ADGRA1: variants seen among roughly 807,000 people sequenced by gnomAD.
The protein encoded by ADGRA1 is adhesion G protein-coupled receptor A1.
ADGRA1 carries 12 observed loss-of-function variants against 21.3 expected under a neutral mutation model. That is an observed-to-expected ratio of 0.56 (90% confidence interval 0.36 to 0.91). ADGRA1 has a LOEUF of 0.91. ADGRA1 is among the 40% of genes least tolerant of loss of function. The pLI, the probability that ADGRA1 is intolerant of heterozygous loss-of-function variation, is 0.01. For missense variants in ADGRA1, 790 were observed against 805.6 expected (o/e 0.98, Z 0.23); for synonymous variants, 385 against 368.8 (o/e 1.04, Z -0.50).
rs756717596 is a variant in ADGRA1, at chr10:133,128,926, C to A, written c.1098C>A (p.Asn366Lys). 1.3e-6 allele frequency: 2 copies of A among 1,557,736 alleles called. No individual in the cohort carries two copies. The highest frequency in any genetic ancestry group is 2.3e-5 in the East Asian group (1 of 42,696). The part of the protein sequence containing the change: ...AHPPGPCKMT[N>K]LQAAQGHASC... ...CACCGGGCCCCTGCAAGATGACCAA[C>A]CTGCAGGCCGCGCAGGGCCACGCCA... The change falls in exon 7 of 7, where the codon AAC becomes AAA. Residue 366 changes from asparagine (N) to lysine (K), a missense_variant. Asn to Lys is a moderately conservative substitution (Grantham distance 94). This residue lies in a region of ADGRA1 where 391 missense variants were observed against 351.5 expected (regional missense o/e 1.11). Transcript: ENST00000392607.
intron 6 of ADGRA1, 108 bp from the exon 7 acceptor site, chr10:133,128,221 C>A: frequency 1.2e-6 from 1 of 812,472 alleles, no homozygotes; most frequent in Non-Finnish European, 1.8e-6. Flanking sequence ...CGCAGCTGTG[C>A]AAAGCCACTC....
chr10:133,093,466 C>T (rs1465165912), intron 2 of ADGRA1, among the ~76,000 whole-genome samples: 3 of 152,224 alleles, frequency 2.0e-5, no homozygotes, highest in Non-Finnish European at 4.4e-5. Flanking sequence ...ACGAGTCCCA[C>T]GCACGCCGGG....
intron 5 of ADGRA1, among the ~76,000 whole-genome samples, chr10:133,126,298 G>T (rs1490045606): frequency 6.6e-6 from 1 of 152,234 alleles, no homozygotes; most frequent in African/African-American, 2.4e-5. Flanking sequence ...ATTCTTGAAG[G>T]ATATCTTCTT....
At chr10:133,121,899 C>T (rs1278072571) in intron 5 of ADGRA1, among the ~76,000 whole-genome samples, 1 of 132,192 alleles carries the variant, frequency 7.6e-6, no homozygotes, top group Non-Finnish European at 1.6e-5. Flanking sequence ...TGCGTGCGTG[C>T]AAGTGTGAGT....
intron 4 of ADGRA1, chr10:133,102,242 C>T (rs776098908): frequency 2.4e-5 from 11 of 467,610 alleles, no homozygotes; most frequent in South Asian, 7.7e-5. Flanking sequence ...ACACGAATGC[C>T]GTCCCCGTGG....
At chr10:133,121,252 T>C (rs899061558) in intron 5 of ADGRA1, among the ~76,000 whole-genome samples, 13 of 152,332 alleles carry the variant, frequency 8.5e-5, no homozygotes, top group Admixed American at 8.5e-4. Context: ...AAAATGGCGC[T>C]GATGGACTTG....
At position 133,129,003 on chromosome 10, in the gene ADGRA1, TGAC is replaced by T; in HGVS notation, c.1177_1179del (p.Thr393del). 6.4e-7 allele frequency: 1 copy of T among 1,570,632 alleles called. No homozygotes were observed. The highest frequency in any genetic ancestry group is 1.7e-4 in the Middle Eastern group (1 of 5,948). On this transcript the variant is annotated inframe_deletion, in exon 7 of 7. Coordinates refer to ENST00000392607, the MANE Select transcript of ADGRA1 (RefSeq NM_001083909.3). Reference sequence around the variant, plus strand: ...TGCGCCAAGATGCACTGCGAGCCACTGACGGCGGACGAGGCGCACGTGCACCTG... The same window carrying T: ...TGCGCCAAGATGCACTGCGAGCCACTGGCGGACGAGGCGCACGTGCACCTG...
At chr10:133,121,430 A>G (rs962206987) in intron 5 of ADGRA1, among the ~76,000 whole-genome samples, 3 of 146,828 alleles carry the variant, frequency 2.0e-5, no homozygotes, top group African/African-American at 7.6e-5. Context: ...GTGGTGTGTC[A>G]GTGTGCGTGT....
At chr10:133,110,599 G>A (rs540512053) in intron 5 of ADGRA1, among the ~76,000 whole-genome samples, 4 of 152,314 alleles carry the variant, frequency 2.6e-5, no homozygotes, top group South Asian at 4.1e-4. Context: ...ATATGAGTGA[G>A]AAGAAAGAAA....
At chr10:133,092,839 G>GGGAGGGAAGGGAGGAA (rs752816965) in intron 2 of ADGRA1, among the ~76,000 whole-genome samples, 1 of 75,612 alleles carries the variant, frequency 1.3e-5, no homozygotes, top group Non-Finnish European at 2.3e-5. Flanking sequence ...GAGGGAGGGA[G>GGGAGGGAAGGGAGGAA]GGAAGGAAGG....
At chr10:133,124,300 C>G (rs2135907941) in intron 5 of ADGRA1, among the ~76,000 whole-genome samples, 1 of 152,338 alleles carries the variant, frequency 6.6e-6, no homozygotes, top group East Asian at 1.9e-4. Context: ...TCCCCGGGCT[C>G]TGAGCAATGT....
chr10:133,108,237 G>A (rs557651650), intron 5 of ADGRA1, among the ~76,000 whole-genome samples: 1 of 152,346 alleles, frequency 6.6e-6, no homozygotes, highest in Non-Finnish European at 1.5e-5. Flanking sequence ...TCTGGTCCCT[G>A]GCCCCAGAGC....
intron 5 of ADGRA1, among the ~76,000 whole-genome samples, chr10:133,115,091 G>A (rs915556768): frequency 3.3e-5 from 5 of 152,314 alleles, no homozygotes; most frequent in South Asian, 2.1e-4. Context: ...AGCCTGGGGG[G>A]CTTCATCGAG....
chr10:133,114,701 T>C (rs1852124552), intron 5 of ADGRA1, among the ~76,000 whole-genome samples: 2 of 152,184 alleles, frequency 1.3e-5, no homozygotes, highest in Admixed American at 6.5e-5. Context: ...ACCTCATTTC[T>C]CGGAATTCAG....
At chr10:133,124,202 C>G (rs1028574182) in intron 5 of ADGRA1, among the ~76,000 whole-genome samples, 1 of 148,604 alleles carries the variant, frequency 6.7e-6, no homozygotes, top group South Asian at 2.1e-4. Context: ...GCTCTGCACC[C>G]TCCCCGGCTC....
intron 5 of ADGRA1, among the ~76,000 whole-genome samples, chr10:133,114,793 G>T (rs966499802): frequency 6.6e-6 from 1 of 152,194 alleles, no homozygotes; most frequent in Non-Finnish European, 1.5e-5. Flanking sequence ...GGGCAGTGAA[G>T]GTGCCGGGGC....
In ADGRA1 at chr10:133,111,938, C is replaced by T. The variant is rs533372189; in HGVS notation, c.401+9096C>T. Among the ~76,000 whole-genome samples, 45 of 54,762 alleles carry T rather than the reference C, an allele frequency of 8.2e-4. 2 individuals carry two copies. The highest frequency in any genetic ancestry group is 5.2e-3 in the East Asian group (4 of 776). The allele number at this position is 54,762 out of a possible 152,430, so 35.9% of individuals were successfully genotyped here. A position where few individuals can be genotyped will look rare whatever the true frequency, so the allele number is the denominator to read the frequency against. ...CCAGACCACCTGCCCGCCGTGAGCA[C>T]CTCCCTCCTAATCCCTCCAGACCAC... is the stretch of plus-strand genomic sequence containing the variant. On this transcript the variant is annotated intron_variant, in intron 5 of 6. Coordinates refer to ENST00000392607, the MANE Select transcript of ADGRA1 (RefSeq NM_001083909.3).
chr10:133,095,755 C>T (rs373404843), intron 2 of ADGRA1: 67 of 1,598,558 alleles, frequency 4.2e-5, no homozygotes, highest in Admixed American at 1.8e-4. Flanking sequence ...CTCTCGGGCC[C>T]GCTGGCTGCC....
chr10:133,099,104 C>T (rs562551597), intron 4 of ADGRA1, among the ~76,000 whole-genome samples: 20 of 151,690 alleles, frequency 1.3e-4, no homozygotes, highest in African/African-American at 4.6e-4. Context: ...TGGGGGGACA[C>T]AGCCCACCCC....
Sources: allele counts gnomAD v4.1 joint callset (sites outside exome capture counted in the v4.1 genomes callset), GRCh38; gene constraint gnomAD v4.1.1; regional missense constraint gnomAD v4.1.1; transcripts MANE v1.5; gene names NCBI Gene and HGNC (gene_info 2026-07-23, HGNC 2026-07-21).